Variants in KCNH8 observed in about 807,000 individuals in gnomAD.
KCNH8 encodes the protein voltage-gated delayed rectifier potassium channel KCNH8.
A neutral mutation model predicts 103.6 loss-of-function variants in KCNH8; 70 were observed. The ratio of observed to expected loss-of-function variants is 0.68; its 90% confidence interval spans 0.56 to 0.82. The LOEUF (loss-of-function observed/expected upper bound fraction) is 0.82. KCNH8 is among the 40% of genes least tolerant of loss of function. KCNH8 has a pLI of 0.00. For missense variants in KCNH8, 1,217 were observed against 1,329.9 expected (o/e 0.92, Z 1.32); for synonymous variants, 498 against 489.4 (o/e 1.02, Z -0.23).
chr3:19,276,796 G>T (rs1424422082), intron 2 of KCNH8, among the ~76,000 whole-genome samples: 1 of 152,054 alleles, frequency 6.6e-6, no homozygotes, highest in African/African-American at 2.4e-5. Flanking sequence ...GAAAAGTATG[G>T]AATGGTCTTC....
At chr3:19,175,983 A>G (rs2063396183) in intron 1 of KCNH8, among the ~76,000 whole-genome samples, 1 of 152,208 alleles carries the variant, frequency 6.6e-6, no homozygotes, top group Admixed American at 6.5e-5. Context: ...GTTTAGGATC[A>G]ATTTAGCTAC....
intron 1 of KCNH8, among the ~76,000 whole-genome samples, chr3:19,251,747 A>C (rs890542756): frequency 6.6e-6 from 1 of 152,160 alleles, no homozygotes; most frequent in African/African-American, 2.4e-5. Flanking sequence ...AAAATTCAAA[A>C]GGTATAGTAG....
chr3:19,170,727 TAC>T (rs1185062191), intron 1 of KCNH8, among the ~76,000 whole-genome samples: 12 of 144,294 alleles, frequency 8.3e-5, no homozygotes, highest in African/African-American at 1.3e-4. Flanking sequence ...CACACATATA[TAC>T]ACACACATAT....
At chr3:19,451,538 A>G (rs113573828) in intron 10 of KCNH8, 134 bp downstream of exon 10, 13 of 774,300 alleles carry the variant, frequency 1.7e-5, no homozygotes, top group African/African-American at 8.7e-5. Flanking sequence ...TATTCCTCAT[A>G]TGAGTTTAGT....
At chr3:19,488,440 T>C (rs1327103867) in intron 11 of KCNH8, among the ~76,000 whole-genome samples, 1 of 152,212 alleles carries the variant, frequency 6.6e-6, no homozygotes, top group Non-Finnish European at 1.5e-5. Context: ...CCACAAACCC[T>C]GCCTGTTTTT....
chr3:19,281,469 G>A, intron 3 of KCNH8, 140 bp downstream of exon 3: 2 of 688,102 alleles, frequency 2.9e-6, no homozygotes, highest in Non-Finnish European at 2.3e-6. Context: ...AGCATTTGGT[G>A]CATATTCCAA....
chr3:19,495,256 G>A (rs1217276802), intron 11 of KCNH8, among the ~76,000 whole-genome samples: 16 of 151,926 alleles, frequency 1.1e-4, no homozygotes, highest in South Asian at 2.1e-4. Context: ...CATCTTTTTC[G>A]TGAAATCTTT....
At chr3:19,342,775 C>T (rs570363586) in intron 4 of KCNH8, 61 bp downstream of exon 4, 6 of 1,494,522 alleles carry the variant, frequency 4.0e-6, no homozygotes, top group South Asian at 2.5e-5. Context: ...ATGTTTGACT[C>T]GCTAAAGAAA....
intron 1 of KCNH8, among the ~76,000 whole-genome samples, chr3:19,152,655 GC>G (rs1179749419): frequency 6.6e-6 from 1 of 152,258 alleles, no homozygotes; most frequent in Non-Finnish European, 1.5e-5. Flanking sequence ...TAAAATTGAT[GC>G]TGGGCGCAGT....
intron 11 of KCNH8, among the ~76,000 whole-genome samples, chr3:19,499,696 T>A (rs1272494613): frequency 1.3e-5 from 2 of 152,170 alleles, no homozygotes. Context: ...CTAAGCTTCA[T>A]AAGTGAAGGA....
intron 2 of KCNH8, among the ~76,000 whole-genome samples, chr3:19,279,654 T>C (rs2064730488): frequency 1.3e-5 from 2 of 151,760 alleles, no homozygotes; most frequent in Admixed American, 6.6e-5. Context: ...ATATTCCATG[T>C]GTAACTTATG....
chr3:19,324,442 C>T (rs957200056), intron 3 of KCNH8, among the ~76,000 whole-genome samples: 1 of 152,164 alleles, frequency 6.6e-6, no homozygotes, highest in Non-Finnish European at 1.5e-5. Flanking sequence ...ATCACAGGAA[C>T]AGCAGGGGGA....
In KCNH8 at chr3:19,345,782, TTAAATC is replaced by T. The variant is rs992444398; in HGVS notation, c.571-1939_571-1934del. ...ATTTGAGTTAACAACATTTCAAAAT[TTAAATC>T]TAATCTCAAATGTATTGAATTCTCA... On this transcript the variant is annotated intron_variant, in intron 4 of 15. Transcript: ENST00000328405. Among the ~76,000 whole-genome samples, 16 of 152,200 alleles carry T rather than the reference TTAAATC, an allele frequency of 1.1e-4. 1 individual carries two copies. The highest frequency in any genetic ancestry group is 4.6e-4 in the Admixed American group (7 of 15,250).
At chr3:19,396,803 T>C (rs1321397888) in intron 7 of KCNH8, among the ~76,000 whole-genome samples, 2 of 152,050 alleles carry the variant, frequency 1.3e-5, no homozygotes, top group Non-Finnish European at 2.9e-5. Context: ...TCATATGTCA[T>C]CATCCTAATG....
At chr3:19,367,649 TAAAC>T (rs932599084) in intron 5 of KCNH8, among the ~76,000 whole-genome samples, 1 of 151,802 alleles carries the variant, frequency 6.6e-6, no homozygotes, top group African/African-American at 2.4e-5. Flanking sequence ...ATAGTTCAGA[TAAAC>T]AAAATATAAC....
At chr3:19,167,555 G>T (rs1325801684) in intron 1 of KCNH8, among the ~76,000 whole-genome samples, 1 of 152,082 alleles carries the variant, frequency 6.6e-6, no homozygotes, top group Non-Finnish European at 1.5e-5. Flanking sequence ...AGGTATTCCT[G>T]CATTGCTTTT....
chr3:19,260,485 A>G (rs1376932973), intron 2 of KCNH8, among the ~76,000 whole-genome samples: 3 of 81,166 alleles, frequency 3.7e-5, no homozygotes, highest in Non-Finnish European at 7.3e-5. Flanking sequence ...ATTACTCTAT[A>G]GGATATATAT....
At chr3:19,213,567 A>C (rs534709243) in intron 1 of KCNH8, among the ~76,000 whole-genome samples, 6 of 152,232 alleles carry the variant, frequency 3.9e-5, no homozygotes, top group African/African-American at 1.4e-4. Context: ...TCTTGAATTG[A>C]GACTTTATTT....
chr3:19,421,623 C>A lies in KCNH8; in HGVS notation c.1178-16541C>A, dbSNP rs373657132. ...ATTCACTAATCAGTTTTTAAAAGTT[C>A]ATATCAGATACACTGAGCTTTTTTT... On this transcript the variant is annotated intron_variant, in intron 7 of 15. Coordinates refer to ENST00000328405, the MANE Select transcript of KCNH8 (RefSeq NM_144633.3). Among the ~76,000 whole-genome samples the A allele has an allele frequency of 1.8e-4, 27 of 152,020 alleles. 1 individual carries two copies. The East Asian group carries it at 4.1e-3, about 23-fold the overall frequency.
Sources: gnomAD v4.1 joint callset for allele counts (sites outside exome capture counted in the v4.1 genomes callset) on GRCh38, gnomAD v4.1.1 for gene constraint, MANE v1.5 for transcripts, NCBI Gene and HGNC (gene_info 2026-07-23, HGNC 2026-07-21) for gene names.